Variants in ZFP64 observed in about 807,000 individuals in gnomAD.
ZFP64 encodes zinc finger protein 64.
Under a neutral mutation model 51.6 loss-of-function variants are expected in ZFP64, and 14 were observed. The observed-to-expected ratio is 0.27, with a 90% confidence interval of 0.18 to 0.42. ZFP64 has a LOEUF of 0.42. Among genes scored for constraint, ZFP64 ranks in the 10% least tolerant of loss-of-function variants. The probability of loss-of-function intolerance (pLI) is 1.00; values close to 1 mark genes in which losing one functional copy is unlikely to be tolerated. For missense variants in ZFP64, 754 were observed against 906.8 expected (o/e 0.83, Z 2.16); for synonymous variants, 375 against 361.4 (o/e 1.04, Z -0.43).
At chr20:52,111,110 AGCGGGGCACG>A in intron 5 of ZFP64, 1 of 861,370 alleles carries the variant, frequency 1.2e-6, no homozygotes, top group East Asian at 2.6e-5. Context: ...AGAGACGCGG[AGCGGGGCACG>A]GCGGCAGCCA....
rs370217706 is a variant in ZFP64 at position 52,114,104 on chromosome 20, T to C, written c.764-15517A>G. On this transcript the variant is annotated intron_variant, in intron 5 of 8. Transcript: ENST00000361387. ...AAGCAAACTAAGGAGATTCAGGGACTAGGTAGCTCCCAGATAAGAAAAACA... is the reference window on the plus strand; with the variant it reads ...AAGCAAACTAAGGAGATTCAGGGACCAGGTAGCTCCCAGATAAGAAAAACA... Among the ~76,000 whole-genome samples the C allele has an allele frequency of 7.2e-5, 11 of 152,220 alleles. No individual in the cohort carries two copies. The East Asian group carries it at 2.1e-3, about 29-fold the overall frequency.
At chr20:52,150,265 A>C (rs1417900571), downstream of ZFP64, among the ~76,000 whole-genome samples, 1 of 151,500 alleles carries the variant, frequency 6.6e-6, no homozygotes, top group African/African-American at 2.4e-5. Flanking sequence ...TATAGTTTAT[A>C]TCTGGACAGT....
At chr20:52,088,758 TGA>T (rs1257364099) in intron 7 of ZFP64, 1 of 1,347,948 alleles carries the variant, frequency 7.4e-7, no homozygotes, top group Non-Finnish European at 1.0e-6. Flanking sequence ...GTCCAAATAC[TGA>T]GAGAGAAAGA....
In ZFP64 at chr20:52,186,869, G is replaced by A. The variant is rs1222379044; in HGVS notation, c.249C>T (p.Thr83=). 1.9e-6 allele frequency: 3 copies of A among 1,613,202 alleles called. No homozygotes were observed. The African/African-American group carries it at 4.0e-5, about 22-fold the overall frequency. The change falls in exon 2 of 6, where the codon ACC becomes ACT. Residue 83 remains threonine (T), a synonymous_variant. Coordinates refer to ENST00000216923, the MANE Select transcript of ZFP64 (RefSeq NM_018197.3). ...GGGTCTCCGAGGTGATGGTTCTGGTGGTGGTCTGAGTCTGGGTGGCAGGCA... is the reference window on the plus strand; with the variant it reads ...GGGTCTCCGAGGTGATGGTTCTGGTAGTGGTCTGAGTCTGGGTGGCAGGCA... ...ETVPATQTQT[T]TRTITSETQT... is the part of the protein sequence containing the mutation.
chr20:52,088,923 G>C, intron 7 of ZFP64: 1 of 606,464 alleles, frequency 1.6e-6, no homozygotes, highest in South Asian at 1.4e-5. Context: ...GGTTATAGAA[G>C]TACTCAGGAT....
intron 1 of ZFP64, among the ~76,000 whole-genome samples, chr20:52,190,303 G>A (rs182716454): frequency 2.6e-5 from 4 of 152,276 alleles, no homozygotes; most frequent in African/African-American, 9.6e-5. Flanking sequence ...CAGAATGAAA[G>A]GATTTTCATA....
intron 1 of ZFP64, among the ~76,000 whole-genome samples, chr20:52,187,435 A>G (rs7261608): frequency 0.13 from 20,141 of 151,856 alleles, 2,050 homozygotes; most frequent in African/African-American, 0.28. Flanking sequence ...CAGCCTGGCC[A>G]ACATGGTGAA....
At chr20:52,129,540 T>G (rs1302833809) in intron 5 of ZFP64, among the ~76,000 whole-genome samples, 3 of 152,210 alleles carry the variant, frequency 2.0e-5, no homozygotes, top group Non-Finnish European at 2.9e-5. Context: ...CAGACTGCCC[T>G]AACGTCCAGT....
At chr20:52,187,162 G>C in intron 1 of ZFP64, 91 bp from the exon 2 acceptor site, 1 of 1,408,902 alleles carries the variant, frequency 7.1e-7, no homozygotes, top group Non-Finnish European at 9.6e-7. Context: ...AAAAGGCATG[G>C]TGGCAGACAT....
rs754974730 is a variant in ZFP64 at position 52,191,622 on chromosome 20, G to T, written c.15C>A (p.Ser5Arg). The change falls in exon 1 of 6, where the codon AGC (serine) becomes AGA (arginine). Residue 5 changes from serine (S) to arginine (R), a missense_variant. Physicochemically the swap from Ser to Arg is moderately radical, Grantham distance 110. Transcript: ENST00000216923. The surrounding 1 kb of genome is among the most constrained non-coding windows in gnomAD (Gnocchi z 4.3). ...CCGAGCCCGCGAAGCTCTCGCCCTC[G>T]CTGCTCGCGTTCATGGCCGCAGACT... MNASSEGESFAGSVQ... is the reference protein window; with the variant it reads MNASREGESFAGSVQ... 28 of 1,588,530 alleles carry T rather than the reference G, an allele frequency of 1.8e-5. No homozygotes were observed. In the South Asian group the frequency reaches 3.0e-4, roughly 17 times the overall value.
intron 5 of ZFP64, among the ~76,000 whole-genome samples, chr20:52,133,772 C>T (rs1979836769): frequency 6.6e-6 from 1 of 152,066 alleles, no homozygotes; most frequent in Non-Finnish European, 1.5e-5. Context: ...GTGACTCATG[C>T]CTGTAATTCC....
chr20:52,190,681 A>G (rs573604565), intron 1 of ZFP64, among the ~76,000 whole-genome samples: 1 of 152,166 alleles, frequency 6.6e-6, no homozygotes, highest in African/African-American at 2.4e-5. Flanking sequence ...TGTTTAGGAA[A>G]ATCTGTGCTT....
At chr20:52,088,577 T>A (rs2078889067) in exon 8 of ZFP64, 1 of 1,614,082 alleles carries the variant, frequency 6.2e-7, no homozygotes, top group African/African-American at 1.3e-5. Flanking sequence ...GCACCGCATG[T>A]GCATGGTCAG....
At chr20:52,098,194 C>T (rs1176159338) in intron 6 of ZFP64, among the ~76,000 whole-genome samples, 1 of 139,730 alleles carries the variant, frequency 7.2e-6, no homozygotes, top group East Asian at 2.1e-4. Flanking sequence ...AAAAAAGAGT[C>T]CATATATGTA....
At chr20:52,135,716 TG>T (rs1434312854) in intron 5 of ZFP64, among the ~76,000 whole-genome samples, 2 of 151,958 alleles carry the variant, frequency 1.3e-5, no homozygotes, top group Non-Finnish European at 2.9e-5. Context: ...CTCAAACTAC[TG>T]GGCTTAAGTG....
chr20:52,133,978 A>G (rs533242284), intron 5 of ZFP64, among the ~76,000 whole-genome samples: 1 of 149,266 alleles, frequency 6.7e-6, no homozygotes, highest in Non-Finnish European at 1.5e-5. Context: ...GCAGTGAGCC[A>G]TGATCATGCC....
intron 3 of ZFP64, chr20:52,165,028 C>T (rs1361311435): frequency 1.7e-6 from 1 of 589,990 alleles, no homozygotes; most frequent in East Asian, 3.8e-5. Flanking sequence ...CTGGCCTATA[C>T]TTTTCAAAAA....
downstream of ZFP64, among the ~76,000 whole-genome samples, chr20:52,150,533 C>A (rs1232048761): frequency 6.8e-6 from 1 of 147,944 alleles, no homozygotes; most frequent in Non-Finnish European, 1.5e-5. Flanking sequence ...ACACTGCAAG[C>A]CTTTTCTGTT....
intron 2 of ZFP64, among the ~76,000 whole-genome samples, chr20:52,173,546 C>T (rs773976617): frequency 5.2e-4 from 79 of 152,182 alleles, no homozygotes; most frequent in Admixed American, 3.9e-4. Flanking sequence ...TATGATTGCA[C>T]CACTGCACTT....
Sources: allele counts gnomAD v4.1 joint callset (sites outside exome capture counted in the v4.1 genomes callset), GRCh38; gene constraint gnomAD v4.1.1; non-coding constraint Gnocchi (gnomAD v3.1); transcripts MANE v1.5; gene names NCBI Gene and HGNC (gene_info 2026-07-23, HGNC 2026-07-21).